UGGT2: variants seen among roughly 807,000 people sequenced by gnomAD.
UGGT2 encodes UDP-glucose glycoprotein glucosyltransferase 2, also known as UDP-glucose:glycoprotein glucosyltransferase 2.
Under a neutral mutation model 192.1 loss-of-function variants are expected in UGGT2, and 180 were observed. That is an observed-to-expected ratio of 0.94 (90% CI 0.83 to 1.06). The LOEUF is 1.06. Ranked by LOEUF, UGGT2 falls within the 50% of genes least tolerant of loss-of-function variation. The pLI is 0.00. For missense variants in UGGT2, 1,849 were observed against 1,795.7 expected (o/e 1.03, Z -0.54); for synonymous variants, 580 against 591.0 (o/e 0.98, Z 0.27).
At chr13:95,888,114 A>T (rs2047697318) in intron 25 of UGGT2, 143 bp from the exon 26 acceptor site, 1 of 523,860 alleles carries the variant, frequency 1.9e-6, no homozygotes, top group Admixed American at 3.6e-5. Flanking sequence ...CTGAAATAGT[A>T]CTTTTGCAGT....
intron 10 of UGGT2, among the ~76,000 whole-genome samples, chr13:95,974,302 A>T (rs1436652825): frequency 6.6e-6 from 1 of 152,222 alleles, no homozygotes; most frequent in East Asian, 1.9e-4. Flanking sequence ...AAATCTACAG[A>T]TGCCTAGTGA....
intron 20 of UGGT2, among the ~76,000 whole-genome samples, chr13:95,923,550 T>C (rs1240231460): frequency 6.6e-6 from 1 of 152,034 alleles, no homozygotes; most frequent in Non-Finnish European, 1.5e-5. Context: ...GTATTTTTAG[T>C]GGAGACAAAG....
At chr13:95,877,600 C>T (rs1278440942) in intron 28 of UGGT2, 98 bp downstream of exon 28, 3 of 1,371,098 alleles carry the variant, frequency 2.2e-6, no homozygotes, top group Non-Finnish European at 2.9e-6. Flanking sequence ...GCAAACTGTT[C>T]AGCAACAGCA....
At chr13:95,846,988 A>C (rs1350733433) in intron 36 of UGGT2, among the ~76,000 whole-genome samples, 1 of 145,226 alleles carries the variant, frequency 6.9e-6, no homozygotes, top group African/African-American at 2.5e-5. Context: ...GGTTTTGTTG[A>C]TTTTCTCAAA....
Position 95,807,132 on chromosome 13 carries a change from ATG to A in UGGT2, c.4529-5322_4529-5321del, listed in dbSNP as rs145832537. 3.2e-3 allele frequency among the ~76,000 whole-genome samples: 486 copies of A among 152,322 alleles called. 2 individuals carry two copies. The highest frequency in any genetic ancestry group is 5.5e-3 in the Non-Finnish European group (375 of 68,014). ...CATAAACAGTTAATATATTTTGTAT[ATG>A]TATTATATACTGTATTCTTACAATA... On this transcript the variant is annotated intron_variant, in intron 38 of 38. Coordinates refer to ENST00000376747, the MANE Select transcript of UGGT2 (RefSeq NM_020121.4).
In UGGT2 at chr13:95,853,538, C is replaced by T. The variant is rs1232705096; in HGVS notation, c.4284+5G>A. ...TCAAAATTATTCTGTTAACATTTTA[C>T]TTACCTGATCTAGGTTTGAAAGACT... On this transcript the variant is annotated splice_donor_5th_base_variant and intron_variant, in intron 36 of 38. Transcript: ENST00000376747. 4 of 1,611,628 alleles carry T rather than the reference C, an allele frequency of 2.5e-6. No individual in the cohort carries two copies. Among genetic ancestry groups the T allele is most frequent in the South Asian group, 1.1e-5 (1 of 90,960 alleles).
intron 2 of UGGT2, among the ~76,000 whole-genome samples, chr13:96,027,420 T>A (rs1458065296): frequency 6.6e-6 from 1 of 152,246 alleles, no homozygotes; most frequent in Non-Finnish European, 1.5e-5. Context: ...CTATTTTGGC[T>A]GATTTGTTAA....
Position 95,867,264 on chromosome 13 carries a change from CAATT to C in UGGT2, c.3558+71_3558+74del, listed in dbSNP as rs1890754695. ...TTGTAAAGTTAATTGTAAAATAAAT[CAATT>C]AATTAAAAAACAAAGAAGATAATTC... On this transcript the variant is annotated intron_variant, in intron 30 of 38. Coordinates refer to ENST00000376747, the MANE Select transcript of UGGT2 (RefSeq NM_020121.4). The C allele has an allele frequency of 5.7e-6, 7 of 1,233,414 alleles. No homozygotes were observed. In the South Asian group the frequency reaches 5.9e-5, roughly 10 times the overall value. 76.4% of individuals were successfully genotyped at this position (1,233,414 alleles called of 1,614,324 possible). A position where few individuals can be genotyped will look rare whatever the true frequency, so the allele number is the denominator to read the frequency against.
chr13:96,016,784 G>A (rs144629724), intron 4 of UGGT2, among the ~76,000 whole-genome samples: 5 of 152,164 alleles, frequency 3.3e-5, no homozygotes, highest in East Asian at 1.9e-4. Context: ...GCTAGTGGAG[G>A]GGGGGCTGCA....
At chr13:95,884,093 A>C (rs2047576413) in intron 27 of UGGT2, among the ~76,000 whole-genome samples, 9 of 148,308 alleles carry the variant, frequency 6.1e-5, no homozygotes, top group Non-Finnish European at 1.3e-4. Context: ...AAAACCAACA[A>C]CAACAAAACA....
At chr13:95,948,888 G>A (rs1486203894) in intron 13 of UGGT2, among the ~76,000 whole-genome samples, 2 of 152,162 alleles carry the variant, frequency 1.3e-5, no homozygotes, top group African/African-American at 4.8e-5. Flanking sequence ...CCCAGTAGGA[G>A]GTAATTAAAT....
Position 96,026,967 on chromosome 13 carries a change from A to G in UGGT2, c.242-3208T>C, listed in dbSNP as rs143470424. Among the ~76,000 whole-genome samples, 825 of 152,268 alleles carry G rather than the reference A, an allele frequency of 5.4e-3. 11 individuals carry two copies. Among genetic ancestry groups the G allele is most frequent in the African/African-American group, 0.019 (787 of 41,564 alleles). The stretch of plus-strand genomic sequence containing the variant: ...ATTACAGGCGTGAGCCACCGCGCCC[A>G]GCCCACTCTTAATTCTTTAACAAAC... On this transcript the variant is annotated intron_variant, in intron 2 of 38. Transcript: ENST00000376747.
intron 36 of UGGT2, among the ~76,000 whole-genome samples, chr13:95,853,244 C>G (rs1260815889): frequency 6.6e-6 from 1 of 152,102 alleles, no homozygotes; most frequent in African/African-American, 2.4e-5. Context: ...ATTACCCAGT[C>G]TTGGGTATAT....
At chr13:95,903,459 T>C (rs2048172113) in intron 20 of UGGT2, among the ~76,000 whole-genome samples, 1 of 152,138 alleles carries the variant, frequency 6.6e-6, no homozygotes, top group South Asian at 2.1e-4. Context: ...CCTCCCACTT[T>C]TCTAAAGACA....
At chr13:96,002,663 G>C (rs1360874951) in intron 5 of UGGT2, among the ~76,000 whole-genome samples, 1 of 152,104 alleles carries the variant, frequency 6.6e-6, no homozygotes, top group Non-Finnish European at 1.5e-5. Context: ...GAATATTTAA[G>C]ATTTTCCACT....
intron 20 of UGGT2, among the ~76,000 whole-genome samples, chr13:95,918,594 T>C (rs914701697): frequency 2.6e-5 from 4 of 151,910 alleles, no homozygotes; most frequent in African/African-American, 7.2e-5. Flanking sequence ...CCAGGACCTG[T>C]TTTTAGAAAA....
intron 7 of UGGT2, chr13:95,991,115 G>A (rs113450970): frequency 0.018 from 2,943 of 164,976 alleles, 96 homozygotes; most frequent in African/African-American, 0.067. Context: ...TCTTTATCCA[G>A]TCTATCATTG....
intron 17 of UGGT2, among the ~76,000 whole-genome samples, chr13:95,936,479 T>C (rs1051773357): frequency 1.3e-5 from 2 of 152,162 alleles, no homozygotes; most frequent in Non-Finnish European, 2.9e-5. Context: ...TCAGACATGG[T>C]GGGCAAGATG....
intron 23 of UGGT2, 96 bp downstream of exon 23, chr13:95,895,079 CCTTTA>C: frequency 8.3e-7 from 1 of 1,201,128 alleles, no homozygotes. Flanking sequence ...TTTTATTATA[CCTTTA>C]CTTGTCTATA....
Sources: allele counts gnomAD v4.1 joint callset (sites outside exome capture counted in the v4.1 genomes callset), GRCh38; gene constraint gnomAD v4.1.1; transcripts MANE v1.5; gene names NCBI Gene and HGNC (gene_info 2026-07-23, HGNC 2026-07-21).